Variants in FANCC observed in about 807,000 individuals in gnomAD.
The protein encoded by FANCC is Fanconi anemia group C protein.
FANCC carries 55 observed loss-of-function variants against 71.3 expected under a neutral mutation model. That is an observed-to-expected ratio of 0.77 (90% confidence interval 0.62 to 0.97). FANCC has a LOEUF of 0.97. Ranked by LOEUF, FANCC falls within the 50% of genes least tolerant of loss-of-function variation. The probability of loss-of-function intolerance (pLI) is 0.00; values close to 1 mark genes in which losing one functional copy is unlikely to be tolerated. For missense variants in FANCC, 678 were observed against 670.9 expected (o/e 1.01, Z -0.12); for synonymous variants, 275 against 244.9 (o/e 1.12, Z -1.15).
intron 6 of FANCC, among the ~76,000 whole-genome samples, chr9:95,150,322 T>C (rs1564698282): frequency 6.6e-6 from 1 of 152,340 alleles, no homozygotes; most frequent in East Asian, 1.9e-4. Flanking sequence ...TTGTTCTTTA[T>C]ATTCACAGGC....
intron 12 of FANCC, among the ~76,000 whole-genome samples, chr9:95,111,846 C>A (rs576755630): frequency 6.6e-6 from 1 of 152,166 alleles, no homozygotes; most frequent in Non-Finnish European, 1.5e-5. Context: ...CCTCTCAGGA[C>A]CCCCGTGAGG....
At chr9:95,178,310 AC>A (rs1463256224) in intron 4 of FANCC, among the ~76,000 whole-genome samples, 10 of 152,202 alleles carry the variant, frequency 6.6e-5, no homozygotes, top group African/African-American at 2.4e-4. Flanking sequence ...CCAGCCTCTA[AC>A]GTCCAGACAT....
chr9:95,296,915 A>AC (rs2136341128), intron 1 of FANCC, among the ~76,000 whole-genome samples: 1 of 152,328 alleles, frequency 6.6e-6, no homozygotes, highest in East Asian at 1.9e-4. Flanking sequence ...ATGTCTCAGG[A>AC]CTCTGGTCAA....
At chr9:95,108,793 A>G (rs1342626267) in intron 13 of FANCC, among the ~76,000 whole-genome samples, 1 of 152,208 alleles carries the variant, frequency 6.6e-6, no homozygotes, top group Non-Finnish European at 1.5e-5. Flanking sequence ...TCTTTTTTCT[A>G]CGCACTGAGA....
chr9:95,213,864 C>T (rs1828673560), intron 4 of FANCC, among the ~76,000 whole-genome samples: 1 of 152,094 alleles, frequency 6.6e-6, no homozygotes, highest in African/African-American at 2.4e-5. Context: ...AAATAGGCAA[C>T]CCACAGAATG....
At chr9:95,141,290 T>C (rs972990846) in intron 7 of FANCC, among the ~76,000 whole-genome samples, 1 of 110,918 alleles carries the variant, frequency 9.0e-6, no homozygotes, top group African/African-American at 3.6e-5. Context: ...CTAGCCTGGG[T>C]GACAGAGTGA....
At chr9:95,131,088 T>A (rs868256066) in intron 8 of FANCC, among the ~76,000 whole-genome samples, 1 of 152,268 alleles carries the variant, frequency 6.6e-6, no homozygotes, top group Non-Finnish European at 1.5e-5. Flanking sequence ...AGATGTTGTT[T>A]ATACACAAAC....
At chr9:95,198,767 C>T (rs1164258529) in intron 4 of FANCC, among the ~76,000 whole-genome samples, 1 of 152,060 alleles carries the variant, frequency 6.6e-6, no homozygotes, top group Non-Finnish European at 1.5e-5. Flanking sequence ...CAGAGTCTTA[C>T]TAGAAACAGG....
At chr9:95,112,673 C>T (rs1319639137) in intron 12 of FANCC, among the ~76,000 whole-genome samples, 1 of 152,204 alleles carries the variant, frequency 6.6e-6, no homozygotes, top group Non-Finnish European at 1.5e-5. Context: ...AGCAGTGAGG[C>T]TCCCTCATGC....
intron 3 of FANCC, among the ~76,000 whole-genome samples, chr9:95,246,513 A>G (rs1342289905): frequency 6.6e-6 from 1 of 152,242 alleles, no homozygotes; most frequent in East Asian, 1.9e-4. Flanking sequence ...AAAAGTAAAT[A>G]TTACATTAGC....
rs147500102 is a variant in FANCC, at chr9:95,121,178, G to C, written c.997-3788C>G. ...TTAATCTAGCTCATTACCAGATGCT[G>C]TCATGGCTGCAACCAGAAACTGACC... On this transcript the variant is annotated intron_variant, in intron 10 of 14. Coordinates refer to ENST00000289081, the MANE Select transcript of FANCC (RefSeq NM_000136.3). Among the ~76,000 whole-genome samples, 153 of 152,328 alleles carry C rather than the reference G, an allele frequency of 1.0e-3. 2 individuals carry two copies. The highest frequency in any genetic ancestry group is 3.6e-3 in the African/African-American group (150 of 41,578).
intron 4 of FANCC, among the ~76,000 whole-genome samples, chr9:95,239,140 C>G (rs1301857431): frequency 1.3e-5 from 2 of 152,154 alleles, no homozygotes; most frequent in Non-Finnish European, 2.9e-5. Flanking sequence ...TCAATTAACA[C>G]GTCACCTGCC....
rs545374359 is a variant in FANCC, at chr9:95,173,836, C to G, written c.346-1689G>C. On this transcript the variant is annotated intron_variant, in intron 4 of 14. Coordinates refer to ENST00000289081, the MANE Select transcript of FANCC (RefSeq NM_000136.3). ...AGGAGGCTGAGGCAGGAGGATCACT[C>G]GAGCTCCAGAAATTGAGGCTCTGCA... Among the ~76,000 whole-genome samples the G allele has an allele frequency of 3.9e-5, 6 of 152,108 alleles. No homozygotes were observed. The South Asian group carries it at 1.2e-3, about 32-fold the overall frequency.
At chr9:95,154,490 C>A (rs1830350018) in intron 6 of FANCC, among the ~76,000 whole-genome samples, 1 of 152,086 alleles carries the variant, frequency 6.6e-6, no homozygotes, top group Non-Finnish European at 1.5e-5. Flanking sequence ...TATTTATTTA[C>A]AGAATGGAAT....
chr9:95,182,233 G>C (rs1032179183), intron 4 of FANCC, among the ~76,000 whole-genome samples: 1 of 150,398 alleles, frequency 6.6e-6, no homozygotes, highest in African/African-American at 2.4e-5. Flanking sequence ...AAAAAAAAAA[G>C]GTGTTGGCCA....
intron 14 of FANCC, among the ~76,000 whole-genome samples, chr9:95,102,071 G>A (rs552788502): frequency 2.6e-4 from 40 of 152,274 alleles, no homozygotes; most frequent in African/African-American, 8.2e-4. Context: ...ATTTCCTAAC[G>A]AGCCTCCTCG....
At chr9:95,221,266 C>T (rs910072526) in intron 4 of FANCC, among the ~76,000 whole-genome samples, 2 of 151,980 alleles carry the variant, frequency 1.3e-5, no homozygotes, top group African/African-American at 2.4e-5. Context: ...TTATGTTCAA[C>T]GAGCTAAAAC....
At chr9:95,207,233 T>C (rs1477073246) in intron 4 of FANCC, among the ~76,000 whole-genome samples, 4 of 151,868 alleles carry the variant, frequency 2.6e-5, no homozygotes, top group Non-Finnish European at 1.5e-5. Flanking sequence ...ACAGCTTCTA[T>C]CACTAAAAAG....
intron 3 of FANCC, 145 bp from the exon 4 acceptor site, chr9:95,240,888 T>A (rs574434442): frequency 2.7e-5 from 17 of 640,178 alleles, no homozygotes; most frequent in Non-Finnish European, 4.8e-5. Flanking sequence ...TTTCTCGCCA[T>A]CATACTTTGC....
Sources: gnomAD v4.1 joint callset for allele counts (sites outside exome capture counted in the v4.1 genomes callset) on GRCh38, gnomAD v4.1.1 for gene constraint, MANE v1.5 for transcripts, NCBI Gene and HGNC (gene_info 2026-07-23, HGNC 2026-07-21) for gene names.